Variants in NSUN6 observed in about 807,000 individuals in gnomAD.
The protein encoded by NSUN6 is NOP2/Sun RNA methyltransferase 6.
A neutral mutation model predicts 58.0 loss-of-function variants in NSUN6; 64 were observed. The ratio of observed to expected loss-of-function variants is 1.10; its 90% CI spans 0.90 to 1.36. The LOEUF is 1.36. Among genes scored for constraint, NSUN6 ranks in the 40% most tolerant of loss-of-function variants. The pLI is 0.00. For missense variants in NSUN6, 701 were observed against 550.1 expected (o/e 1.27, Z -2.74); for synonymous variants, 231 against 193.9 (o/e 1.19, Z -1.59).
intron 3 of NSUN6, among the ~76,000 whole-genome samples, chr10:18,634,178 A>G (rs2131507159): frequency 6.6e-6 from 1 of 152,322 alleles, no homozygotes; most frequent in East Asian, 1.9e-4. Flanking sequence ...AAAAGGAAAA[A>G]TATTTCAAGT....
chr10:18,654,121 A>C (rs2059751748), upstream of NSUN6, among the ~76,000 whole-genome samples: 1 of 152,118 alleles, frequency 6.6e-6, no homozygotes, highest in African/African-American at 2.4e-5. Context: ...ACTGCCCTCG[A>C]GTCTCACTCT....
chr10:18,594,686 T>C (rs1039575224), intron 7 of NSUN6, among the ~76,000 whole-genome samples: 6 of 152,168 alleles, frequency 3.9e-5, no homozygotes, highest in African/African-American at 1.2e-4. Context: ...CTTAACCTCG[T>C]GATCCAATTG....
intron 8 of NSUN6, among the ~76,000 whole-genome samples, chr10:18,581,331 A>G (rs1004298159): frequency 6.6e-6 from 1 of 152,158 alleles, no homozygotes; most frequent in African/African-American, 2.4e-5. Context: ...ACAGTTTGCA[A>G]TAAAGAAGCC....
At chr10:18,598,027 G>A (rs2057662133) in intron 6 of NSUN6, among the ~76,000 whole-genome samples, 1 of 152,224 alleles carries the variant, frequency 6.6e-6, no homozygotes, top group South Asian at 2.1e-4. Flanking sequence ...TATACATCCA[G>A]ATGGCCTGAA....
chr10:18,647,737 T>TTG (rs903724447), intron 2 of NSUN6, among the ~76,000 whole-genome samples: 17 of 141,842 alleles, frequency 1.2e-4, no homozygotes, highest in African/African-American at 4.5e-4. Context: ...TTTTTTTTTT[T>TTG]TTTTTTTTTT....
chr10:18,612,848 T>A (rs564971107), intron 5 of NSUN6, among the ~76,000 whole-genome samples: 1 of 152,364 alleles, frequency 6.6e-6, no homozygotes, highest in South Asian at 2.1e-4. Flanking sequence ...TAACACAGTC[T>A]GTTAGTAAAT....
Position 18,596,282 on chromosome 10 carries a change from C to T in NSUN6, c.703G>A (p.Gly235Arg). 1 of 1,600,462 alleles carries T rather than the reference C, an allele frequency of 6.2e-7. No individual in the cohort carries two copies. The highest frequency in any genetic ancestry group is 1.3e-5 in the African/African-American group (1 of 74,744). The stretch of plus-strand genomic sequence containing the variant: ...GCACACAAGTCTAGAATCTTCTCTC[C>T]AGGTTGAGGATTTAGTACATGACTT... ...LVSHVLNPQP[G>R]EKILDLCAAP... The change falls in exon 7 of 11, where the codon GGA (glycine) becomes AGA (arginine). Residue 235 changes from glycine (G) to arginine (R), a missense_variant. Gly to Arg is a moderately radical substitution (Grantham distance 125). Coordinates refer to ENST00000377304, the MANE Select transcript of NSUN6 (RefSeq NM_182543.5).
intron 6 of NSUN6, among the ~76,000 whole-genome samples, chr10:18,604,222 T>C (rs960127075): frequency 2.6e-5 from 4 of 152,140 alleles, no homozygotes; most frequent in African/African-American, 4.8e-5. Flanking sequence ...TTACAAGTGA[T>C]AGATGACAGG....
intron 8 of NSUN6, among the ~76,000 whole-genome samples, chr10:18,584,777 G>A (rs1365988249): frequency 6.6e-6 from 1 of 151,604 alleles, no homozygotes; most frequent in African/African-American, 2.4e-5. Flanking sequence ...AATGTTAAAG[G>A]AAGCAAGAGA....
chr10:18,553,727 G>T (rs1564704754), intron 8 of NSUN6, among the ~76,000 whole-genome samples: 2 of 73,186 alleles, frequency 2.7e-5, no homozygotes, highest in African/African-American at 7.3e-5. Flanking sequence ...ATGGAGAATG[G>T]AATGGAGAAT....
chr10:18,578,310 T>C (rs1054303086), intron 8 of NSUN6, among the ~76,000 whole-genome samples: 1 of 148,186 alleles, frequency 6.7e-6, no homozygotes, highest in Non-Finnish European at 1.5e-5. Flanking sequence ...CTCGGCTCAC[T>C]GCAACCCCCG....
At chr10:18,605,870 T>C (rs1302133440) in intron 6 of NSUN6, among the ~76,000 whole-genome samples, 3 of 152,120 alleles carry the variant, frequency 2.0e-5, no homozygotes, top group African/African-American at 7.2e-5. Flanking sequence ...ACAGAAATAA[T>C]GGAAGCACAT....
chr10:18,656,295 T>C (rs1311955326), upstream of NSUN6, among the ~76,000 whole-genome samples: 1 of 152,188 alleles, frequency 6.6e-6, no homozygotes, highest in Non-Finnish European at 1.5e-5. Flanking sequence ...TTCCAGCACT[T>C]TGGGAGGCCA....
rs913188301 is a variant in NSUN6, at chr10:18,633,360, A to G, written c.311+9116T>C. Among the ~76,000 whole-genome samples the G allele has an allele frequency of 5.3e-5, 8 of 151,828 alleles. No individual in the cohort carries two copies. The South Asian group carries it at 8.3e-4, about 16-fold the overall frequency. On this transcript the variant is annotated intron_variant, in intron 3 of 10. Transcript: ENST00000377304. Reference sequence around the variant, plus strand: ...GCGCACCAGCATGGCACATGTATACATATGTAACTAACCTGCACAGTGTGC... The same window carrying G: ...GCGCACCAGCATGGCACATGTATACGTATGTAACTAACCTGCACAGTGTGC...
intron 8 of NSUN6, among the ~76,000 whole-genome samples, chr10:18,582,186 T>A (rs1013942942): frequency 3.3e-5 from 5 of 152,200 alleles, no homozygotes; most frequent in Non-Finnish European, 5.9e-5. Flanking sequence ...TCATGTTTTT[T>A]CTGTCTTCTG....
intron 6 of NSUN6, among the ~76,000 whole-genome samples, chr10:18,609,290 A>G (rs2058149080): frequency 6.6e-6 from 1 of 152,212 alleles, no homozygotes; most frequent in African/African-American, 2.4e-5. Flanking sequence ...CAGCCTAGAC[A>G]ACAGAGTGAG....
intron 3 of NSUN6, among the ~76,000 whole-genome samples, chr10:18,625,411 T>C (rs968970060): frequency 2.0e-5 from 3 of 152,004 alleles, no homozygotes; most frequent in Non-Finnish European, 2.9e-5. Flanking sequence ...CTGTGTCTCA[T>C]CAAAAGCTAA....
chr10:18,575,896 G>A (rs775502847), intron 8 of NSUN6, among the ~76,000 whole-genome samples: 11 of 152,088 alleles, frequency 7.2e-5, no homozygotes, highest in Non-Finnish European at 1.3e-4. Context: ...ATTAGTACAG[G>A]CGCTGTCCTT....
chr10:18,622,478 A>T (rs1164189103), intron 3 of NSUN6, among the ~76,000 whole-genome samples: 4 of 152,194 alleles, frequency 2.6e-5, no homozygotes, highest in African/African-American at 7.2e-5. Context: ...CTTTAGGAGT[A>T]CGAGGTGGGC....
Sources: gnomAD v4.1 joint callset for allele counts (sites outside exome capture counted in the v4.1 genomes callset) on GRCh38, gnomAD v4.1.1 for gene constraint, MANE v1.5 for transcripts, NCBI Gene and HGNC (gene_info 2026-07-23, HGNC 2026-07-21) for gene names.